Variants in MAPK14 observed in about 807,000 individuals in gnomAD.
The protein encoded by MAPK14 is CSAID-binding protein.
Under a neutral mutation model 49.6 loss-of-function variants are expected in MAPK14, and 16 were observed. That is an observed-to-expected ratio of 0.32 (90% confidence interval 0.22 to 0.49). The LOEUF (loss-of-function observed/expected upper bound fraction) is 0.49. Ranked by LOEUF, MAPK14 falls within the 20% of genes least tolerant of loss-of-function variation. The probability of loss-of-function intolerance (pLI) is 0.99; values close to 1 mark genes in which losing one functional copy is unlikely to be tolerated. For synonymous variants in MAPK14, 142 were observed against 158.0 expected, an observed-to-expected ratio of 0.90 and a Z score of 0.76; for missense variants, 200 against 441.2, an observed-to-expected ratio of 0.45 and a Z score of 4.90.
At chr6:36,060,159 A>C (rs939271356) in intron 3 of MAPK14, among the ~76,000 whole-genome samples, 1 of 152,288 alleles carries the variant, frequency 6.6e-6, no homozygotes, top group East Asian at 1.9e-4. Context: ...ACTATGGACA[A>C]TTGGGCTGAA....
intron 8 of MAPK14, among the ~76,000 whole-genome samples, chr6:36,085,090 A>G (rs1467912931): frequency 3.3e-5 from 5 of 152,232 alleles, no homozygotes; most frequent in African/African-American, 1.2e-4. Flanking sequence ...GTCAAAGAAG[A>G]AATAAAATCC....
intron 3 of MAPK14, among the ~76,000 whole-genome samples, chr6:36,071,225 C>T (rs566841232): frequency 4.6e-5 from 7 of 151,708 alleles, no homozygotes; most frequent in South Asian, 2.1e-4. Flanking sequence ...CCCAGCTACT[C>T]GGGAGGCTGA....
the MAPK14 span, among the ~76,000 whole-genome samples, chr6:36,124,042 A>AGGAGGAGGT: frequency 6.7e-6 from 1 of 149,508 alleles, no homozygotes; most frequent in Admixed American, 6.7e-5. Context: ...GAGGGGAGAG[A>AGGAGGAGGT]GGAGGAGGTG....
At chr6:36,077,873 A>G (rs1253694233) in intron 8 of MAPK14, among the ~76,000 whole-genome samples, 3 of 152,216 alleles carry the variant, frequency 2.0e-5, no homozygotes, top group African/African-American at 7.2e-5. Flanking sequence ...AGGTAAGAGA[A>G]TTAGGGAAAA....
intron 2 of MAPK14, among the ~76,000 whole-genome samples, chr6:36,056,990 G>A (rs1763614616): frequency 1.3e-5 from 2 of 152,304 alleles, no homozygotes; most frequent in South Asian, 4.1e-4. Context: ...TAAATTTAAA[G>A]CACTATTGTG....
chr6:36,030,512 C>T (rs1234423968), intron 1 of MAPK14, among the ~76,000 whole-genome samples: 2 of 151,728 alleles, frequency 1.3e-5, no homozygotes, highest in East Asian at 1.9e-4. Context: ...ACGGTGAAAC[C>T]CCGTCTCTAC....
At chr6:36,092,448 A>C in intron 8 of MAPK14, 1 of 660,408 alleles carries the variant, frequency 1.5e-6, no homozygotes, top group Non-Finnish European at 2.8e-6. Flanking sequence ...CGTTCTCTGC[A>C]GCACAGGGAT....
At chr6:36,122,181 G>T in the MAPK14 span, among the ~76,000 whole-genome samples, 1 of 152,220 alleles carries the variant, frequency 6.6e-6, no homozygotes, top group African/African-American at 2.4e-5. Context: ...TTCTGGGGAG[G>T]ATCTATGTGT....
chr6:36,108,284 CAG>C, intron 11 of MAPK14, 94 bp from the exon 12 acceptor site: 1 of 889,990 alleles, frequency 1.1e-6, no homozygotes, highest in Non-Finnish European at 1.9e-6. Context: ...ACTACCTGGA[CAG>C]AGAGGAAGGA....
intron 9 of MAPK14, among the ~76,000 whole-genome samples, chr6:36,099,830 T>C (rs73409872): frequency 0.025 from 3,752 of 152,300 alleles, 143 homozygotes; most frequent in African/African-American, 0.079. Flanking sequence ...ATCATCTATA[T>C]TTCTCCCACA....
chr6:36,073,507 G>A (rs547550160), intron 4 of MAPK14, among the ~76,000 whole-genome samples, 184 bp from the exon 5 acceptor site: 1 of 152,314 alleles, frequency 6.6e-6, no homozygotes, highest in East Asian at 1.9e-4. Flanking sequence ...ACTGAGTGGA[G>A]TCAATGGCTG....
At chr6:36,085,802 C>T (rs1169750045) in intron 8 of MAPK14, among the ~76,000 whole-genome samples, 2 of 151,896 alleles carry the variant, frequency 1.3e-5, no homozygotes, top group Admixed American at 6.6e-5. Context: ...GAACTCAGCT[C>T]TGGACCTGAT....
the MAPK14 span, among the ~76,000 whole-genome samples, chr6:36,121,675 T>A: frequency 6.6e-6 from 1 of 152,228 alleles, no homozygotes; most frequent in Non-Finnish European, 1.5e-5. Context: ...CTTATTTTTT[T>A]AGAGACAGGG....
chr6:36,105,745 A>G (rs1765779430), intron 10 of MAPK14, among the ~76,000 whole-genome samples: 1 of 152,170 alleles, frequency 6.6e-6, no homozygotes, highest in Non-Finnish European at 1.5e-5. Flanking sequence ...AGCCTCCAAT[A>G]TACACAGCAG....
intron 1 of MAPK14, among the ~76,000 whole-genome samples, chr6:36,042,061 T>C (rs1762983025): frequency 6.6e-6 from 1 of 150,676 alleles, no homozygotes; most frequent in Admixed American, 6.6e-5. Flanking sequence ...ACCAAGAGAA[T>C]AGATATGAAA....
chr6:36,100,830 C>T (rs1433155742), intron 9 of MAPK14, among the ~76,000 whole-genome samples: 2 of 152,150 alleles, frequency 1.3e-5, no homozygotes, highest in African/African-American at 4.8e-5. Flanking sequence ...GATTGGGGCA[C>T]TTCTTTCTTT....
At chr6:36,105,205 A>C (rs1029509990) in intron 10 of MAPK14, among the ~76,000 whole-genome samples, 1 of 152,178 alleles carries the variant, frequency 6.6e-6, no homozygotes, top group Non-Finnish European at 1.5e-5. Flanking sequence ...ATTAAAACTT[A>C]AATTACCCCT....
chr6:36,061,978 G>A (rs2127428734), intron 3 of MAPK14, among the ~76,000 whole-genome samples: 1 of 152,070 alleles, frequency 6.6e-6, no homozygotes, highest in South Asian at 2.1e-4. Flanking sequence ...TTATTTCAGT[G>A]TTTTCTTTTT....
intron 9 of MAPK14, among the ~76,000 whole-genome samples, chr6:36,101,413 G>A (rs1036542648): frequency 6.6e-6 from 1 of 152,050 alleles, no homozygotes; most frequent in Non-Finnish European, 1.5e-5. Flanking sequence ...CTCCAGCCTA[G>A]GCAACAGAGC....
Sources: allele counts gnomAD v4.1 joint callset (sites outside exome capture counted in the v4.1 genomes callset), GRCh38; gene constraint gnomAD v4.1.1; transcripts MANE v1.5; gene names NCBI Gene and HGNC (gene_info 2026-07-23, HGNC 2026-07-21).